The following TANGO6 variants were observed in gnomAD, a reference collection of about 807,000 sequenced individuals.
TANGO6 encodes transport and Golgi organization protein 6 homolog.
In TANGO6, 90 loss-of-function variants were observed where a neutral mutation model predicts 114.2. The ratio of observed to expected loss-of-function variants is 0.79; its 90% confidence interval spans 0.66 to 0.94. The LOEUF is 0.94. Ranked by LOEUF, TANGO6 falls within the 40% of genes least tolerant of loss-of-function variation. The pLI is 0.00. For synonymous variants in TANGO6, 477 were observed against 509.8 expected (o/e 0.94, Z 0.87); for missense variants, 1,274 against 1,315.3 (o/e 0.97, Z 0.49).
intron 5 of TANGO6, among the ~76,000 whole-genome samples, chr16:68,876,444 A>AGCCACCAC (rs1161276189): frequency 2.0e-5 from 3 of 151,594 alleles, no homozygotes; most frequent in Non-Finnish European, 4.4e-5. Context: ...TATAGGCGTG[A>AGCCACCAC]GCCACCATGC....
chr16:68,911,061 G>T (rs1039583168), intron 11 of TANGO6, among the ~76,000 whole-genome samples: 2 of 152,126 alleles, frequency 1.3e-5, no homozygotes, highest in Admixed American at 1.3e-4. Context: ...TAGGGATCAA[G>T]ATTTTTAGCA....
intron 15 of TANGO6, among the ~76,000 whole-genome samples, chr16:69,000,198 A>G (rs564376918): frequency 6.6e-6 from 1 of 152,368 alleles, no homozygotes; most frequent in South Asian, 2.1e-4. Context: ...CATTTATACA[A>G]ATACAGCCCA....
intron 14 of TANGO6, among the ~76,000 whole-genome samples, chr16:68,951,833 C>T (rs988332168): frequency 1.3e-4 from 20 of 152,014 alleles, no homozygotes; most frequent in Non-Finnish European, 2.2e-4. Flanking sequence ...AGGATGGTCT[C>T]GATCTCCTGA....
chr16:69,042,464 T>C (rs1040608711), intron 17 of TANGO6, among the ~76,000 whole-genome samples: 1 of 152,138 alleles, frequency 6.6e-6, no homozygotes. Flanking sequence ...GGAGAATCAC[T>C]TGAACCTGGG....
chr16:68,945,460 T>C lies in TANGO6; in HGVS notation c.2701+15165T>C, dbSNP rs190382169. On this transcript the variant is annotated intron_variant, in intron 14 of 17. Coordinates refer to ENST00000261778, the MANE Select transcript of TANGO6 (RefSeq NM_024562.2). ...GAATTATACTTTTGGGGCAATATTA[T>C]GTGCACTGCGTGCTTTGTTTCCCTG... Among the ~76,000 whole-genome samples the C allele has an allele frequency of 7.2e-5, 11 of 152,328 alleles. No individual in the cohort carries two copies. In the East Asian group the frequency reaches 2.1e-3, roughly 29 times the overall value.
intron 17 of TANGO6, among the ~76,000 whole-genome samples, chr16:69,051,937 T>C (rs1373651606): frequency 6.6e-6 from 1 of 151,088 alleles, no homozygotes; most frequent in Non-Finnish European, 1.5e-5. Flanking sequence ...CTTTTCTTTC[T>C]TTCTTTTTCT....
chr16:68,920,028 C>G (rs1223464603), intron 12 of TANGO6, among the ~76,000 whole-genome samples: 1 of 152,182 alleles, frequency 6.6e-6, no homozygotes, highest in Non-Finnish European at 1.5e-5. Context: ...GCCTGGGTGA[C>G]AAGAGCTAAA....
chr16:68,908,027 G>A (rs550056599), intron 10 of TANGO6, among the ~76,000 whole-genome samples: 28 of 152,152 alleles, frequency 1.8e-4, no homozygotes, highest in South Asian at 8.3e-4. Context: ...AGCCTTTTCC[G>A]GGTTTGTTTC....
At chr16:68,877,928 A>T (rs1003387464) in intron 5 of TANGO6, among the ~76,000 whole-genome samples, 190 bp from the exon 6 acceptor site, 1 of 152,210 alleles carries the variant, frequency 6.6e-6, no homozygotes, top group Non-Finnish European at 1.5e-5. Flanking sequence ...TTTAATTAAA[A>T]ATAAAAACAC....
rs767562626 is a variant in TANGO6, at chr16:69,022,849, G to A, written c.2864G>A (p.Arg955Gln). 1.9e-6 allele frequency: 3 copies of A among 1,585,658 alleles called. No individual in the cohort carries two copies. The highest frequency in any genetic ancestry group is 2.6e-6 in the Non-Finnish European group (3 of 1,165,224). Residue 955 changes from arginine (R) to glutamine (Q), a missense_variant, in exon 16 of 18, where the codon CGA (arginine) becomes CAA (glutamine). Around this residue, in one of 5 missense-constraint regions of TANGO6, gnomAD observed 238 missense variants for 252.9 expected, o/e 0.94. Transcript: ENST00000261778. ...RALGDMVSKYREPLIHTFLRG... is the reference protein window; with the variant it reads ...RALGDMVSKYQEPLIHTFLRG... ...ATAGGAGACATGGTCTCAAAGTACC[G>A]AGAACCTTTGATCCATACCTTCCTG... is the stretch of plus-strand genomic sequence containing the variant.
rs573713408 is a variant in TANGO6 at position 69,083,467 on chromosome 16, G to A, written c.3109-18G>A. Reference sequence around the variant, plus strand: ...CCGGCACAGTAGACAGGCGGTCATGGCTGTCTCTCTCATGCAGGTGCTGAG... The same window carrying A: ...CCGGCACAGTAGACAGGCGGTCATGACTGTCTCTCTCATGCAGGTGCTGAG... On this transcript the variant is annotated intron_variant, in intron 17 of 17. Coordinates refer to ENST00000261778, the MANE Select transcript of TANGO6 (RefSeq NM_024562.2). The A allele has an allele frequency of 1.1e-5, 17 of 1,598,218 alleles. No individual in the cohort carries two copies. The South Asian group carries it at 1.8e-4, about 17-fold the overall frequency.
intron 7 of TANGO6, among the ~76,000 whole-genome samples, chr16:68,886,642 G>T (rs1758492678): frequency 6.6e-6 from 1 of 152,198 alleles, no homozygotes; most frequent in East Asian, 1.9e-4. Flanking sequence ...CCCGGTAGCT[G>T]GGATTACAGG....
chr16:68,968,897 C>T (rs1412877177), intron 14 of TANGO6, among the ~76,000 whole-genome samples: 1 of 149,174 alleles, frequency 6.7e-6, no homozygotes, highest in Non-Finnish European at 1.5e-5. Context: ...GTCTCGATCT[C>T]CTGACCTTGT....
intron 14 of TANGO6, among the ~76,000 whole-genome samples, chr16:68,941,821 T>C (rs1048232568): frequency 6.6e-6 from 1 of 151,892 alleles, no homozygotes; most frequent in African/African-American, 2.4e-5. Flanking sequence ...AAATATTTGA[T>C]GAAAACAGAA....
chr16:69,025,554 G>C (rs1959486819), intron 16 of TANGO6, among the ~76,000 whole-genome samples: 1 of 152,212 alleles, frequency 6.6e-6, no homozygotes, highest in Non-Finnish European at 1.5e-5. Flanking sequence ...ATGTAAAATA[G>C]GTGAAGGGTG....
rs548808798 is a variant in TANGO6, at chr16:69,004,513, G to A, written c.2843-18315G>A. 3.3e-5 allele frequency among the ~76,000 whole-genome samples: 5 copies of A among 152,046 alleles called. No homozygotes were observed. In the East Asian group the frequency reaches 7.7e-4, roughly 24 times the overall value. ...TAGGATTATAGACGCTTGCCACCAC[G>A]CCCGGCTAATTTTTGTATTTTTAGT... On this transcript the variant is annotated intron_variant, in intron 15 of 17. Coordinates refer to ENST00000261778, the MANE Select transcript of TANGO6 (RefSeq NM_024562.2).
Position 68,876,449 on chromosome 16 carries a change from C to T in TANGO6, c.1131+1159C>T, listed in dbSNP as rs529317613. 1.1e-3 allele frequency among the ~76,000 whole-genome samples: 173 copies of T among 152,306 alleles called. 2 individuals carry two copies. Among genetic ancestry groups the T allele is most frequent in the African/African-American group, 3.9e-3 (162 of 41,580 alleles). The stretch of plus-strand genomic sequence containing the variant: ...GTGCTGGGATTATAGGCGTGAGCCA[C>T]CATGCCAGGCCAGTGCTAATTTTTA... On this transcript the variant is annotated intron_variant, in intron 5 of 17. Coordinates refer to ENST00000261778, the MANE Select transcript of TANGO6 (RefSeq NM_024562.2).
intron 15 of TANGO6, among the ~76,000 whole-genome samples, chr16:69,001,335 G>T (rs1247350807): frequency 6.6e-6 from 1 of 152,100 alleles, no homozygotes; most frequent in Non-Finnish European, 1.5e-5. Flanking sequence ...ACCAAATTTT[G>T]AAGACATTTT....
chr16:68,867,236 T>C lies in TANGO6; in HGVS notation c.994+16T>C. ...GGAGCAGGTGGTAAGAAATAAAATG[T>C]TGCTGTGACTTTGGTATCTGTTTTC... On this transcript the variant is annotated intron_variant, in intron 4 of 17. Transcript: ENST00000261778. 1 of 1,613,494 alleles carries C rather than the reference T, an allele frequency of 6.2e-7. No individual in the cohort carries two copies. Among genetic ancestry groups the C allele is most frequent in the Non-Finnish European group, 8.5e-7 (1 of 1,179,730 alleles).
Sources: allele counts gnomAD v4.1 joint callset (sites outside exome capture counted in the v4.1 genomes callset), GRCh38; gene constraint gnomAD v4.1.1; regional missense constraint gnomAD v4.1.1; transcripts MANE v1.5; gene names NCBI Gene and HGNC (gene_info 2026-07-23, HGNC 2026-07-21).